The following FRMD5 variants were observed in gnomAD, a reference collection of about 807,000 sequenced individuals.
FRMD5 encodes the protein FERM domain-containing protein 5.
In FRMD5, 20 loss-of-function variants were observed where a neutral mutation model predicts 69.0. The observed-to-expected ratio is 0.29, with a 90% confidence interval of 0.20 to 0.42. The LOEUF (loss-of-function observed/expected upper bound fraction) is 0.42, where lower values mean the gene tolerates loss of function less well. Ranked by LOEUF, FRMD5 falls within the 10% of genes least tolerant of loss-of-function variation. FRMD5 has a pLI of 1.00. For missense variants in FRMD5, 595 were observed against 708.6 expected (o/e 0.84, Z 1.82); for synonymous variants, 271 against 260.1 (o/e 1.04, Z -0.40).
intron 1 of FRMD5, among the ~76,000 whole-genome samples, chr15:44,139,727 C>CAAAAAAAAAAAAAAAAAAAAAAAA (rs71111842): frequency 1.4e-5 from 1 of 72,026 alleles, no homozygotes; most frequent in Non-Finnish European, 2.4e-5. Context: ...CCAGTCTCTA[C>CAAAAAAAAAAAAAAAAAAAAAAAA]AAAAAAAAAA....
Position 44,195,161 on chromosome 15 carries a change from C to T in FRMD5, c.-107G>A. 2.4e-6 allele frequency: 2 copies of T among 827,206 alleles called. No homozygotes were observed. The highest frequency in any genetic ancestry group is 3.7e-4 in the Middle Eastern group (1 of 2,736). The allele number at this position is 827,206 out of a possible 1,614,324, so 51.2% of individuals were successfully genotyped here. A position where few individuals can be genotyped will look rare whatever the true frequency, so the allele number is the denominator to read the frequency against. ...CGACCCCAGGCACCTGCACCATCAC[C>T]CCGGCCCCGTCGCTGCCGTTGCCTC... On this transcript the variant is annotated 5_prime_UTR_variant, in exon 1 of 14. Coordinates refer to ENST00000417257, the MANE Select transcript of FRMD5 (RefSeq NM_032892.5).
At chr15:43,925,426 C>T (rs1247833396) in intron 1 of FRMD5, among the ~76,000 whole-genome samples, 1 of 152,146 alleles carries the variant, frequency 6.6e-6, no homozygotes, top group Non-Finnish European at 1.5e-5. Flanking sequence ...TTAGGGTATC[C>T]TGCAAATCCT....
intron 1 of FRMD5, among the ~76,000 whole-genome samples, chr15:44,054,127 TATG>T (rs1339876796): frequency 1.3e-5 from 2 of 152,244 alleles, no homozygotes; most frequent in Non-Finnish European, 1.5e-5. Flanking sequence ...GTAATGTATA[TATG>T]ATCACTTATG....
chr15:43,885,718 T>C lies in FRMD5; in HGVS notation c.922A>G (p.Ser308Gly). Residue 308 changes from serine to glycine, a missense_variant, in exon 11 of 14, where the codon AGC (serine) becomes GGC (glycine). By Grantham distance (56) the Ser-to-Gly change is moderately conservative. Transcript: ENST00000417257. ...CGGCTCCCTTTAAAGAATAAATTGC[T>C]GCTGGACACTGTGCGGACTTGGCTT... Reference protein sequence around the residue: ...KSSQVRTVSSSNLFFKGSRFR... With the variant: ...KSSQVRTVSSGNLFFKGSRFR... 1 of 1,614,214 alleles carries C rather than the reference T, an allele frequency of 6.2e-7. No homozygotes were observed. The highest frequency in any genetic ancestry group is 2.2e-5 in the East Asian group (1 of 44,892).
At chr15:44,165,138 G>A (rs1044607697) in intron 1 of FRMD5, among the ~76,000 whole-genome samples, 10 of 152,196 alleles carry the variant, frequency 6.6e-5, no homozygotes, top group Admixed American at 6.5e-5. Flanking sequence ...ACCAAAGTCG[G>A]CCAGGAGCGG....
In FRMD5 at chr15:43,873,619, C is replaced by CAA. The variant is rs1393767843; in HGVS notation, c.*264_*265dup. The CAA allele has an allele frequency of 6.8e-7, 1 of 1,462,134 alleles. No homozygotes were observed. Among genetic ancestry groups the CAA allele is most frequent in the East Asian group, 2.7e-5 (1 of 36,910 alleles). The allele number at this position is 1,462,134 out of a possible 1,614,324, so 90.6% of individuals were successfully genotyped here. On this transcript the variant is annotated 3_prime_UTR_variant, in exon 14 of 14. Coordinates refer to ENST00000417257, the MANE Select transcript of FRMD5 (RefSeq NM_032892.5). Reference sequence around the variant, plus strand: ...AAATTCAAAACCAAAAATTATCCTGCAAATTGGAAAGATGAGAAACAGAGT... The same window carrying CAA: ...AAATTCAAAACCAAAAATTATCCTGCAAAAATTGGAAAGATGAGAAACAGAGT...
intron 1 of FRMD5, among the ~76,000 whole-genome samples, chr15:43,982,329 GGT>G (rs2090560905): frequency 6.6e-6 from 1 of 152,206 alleles, no homozygotes; most frequent in Non-Finnish European, 1.5e-5. Context: ...TTACTAGCAA[GGT>G]GCTTCTTGAC....
intron 1 of FRMD5, among the ~76,000 whole-genome samples, chr15:44,045,099 T>C (rs1304977660): frequency 1.8e-4 from 27 of 152,190 alleles, no homozygotes; most frequent in Non-Finnish European, 5.9e-5. Context: ...TTCATTTCAT[T>C]TAGAACTAAT....
intron 1 of FRMD5, among the ~76,000 whole-genome samples, chr15:44,054,981 AATAGCTTGAACCCAGGAT>A (rs902489653): frequency 6.6e-6 from 1 of 151,746 alleles, no homozygotes; most frequent in Non-Finnish European, 1.5e-5. Flanking sequence ...GAGGCAGGAG[AATAGCTTGAACCCAGGAT>A]ATGGAGGTTG....
intron 1 of FRMD5, among the ~76,000 whole-genome samples, chr15:44,054,746 A>G (rs1488041156): frequency 6.6e-6 from 1 of 152,264 alleles, no homozygotes; most frequent in East Asian, 1.9e-4. Flanking sequence ...CAGAATCACA[A>G]GGATGAAAGG....
chr15:43,902,145 G>A, intron 7 of FRMD5, 30 bp downstream of exon 7: 2 of 1,536,194 alleles, frequency 1.3e-6, no homozygotes, highest in Non-Finnish European at 1.8e-6. Flanking sequence ...AGGAGGAAAG[G>A]TCATGCAGTC....
chr15:44,103,567 G>A (rs2076671727), intron 1 of FRMD5, among the ~76,000 whole-genome samples: 1 of 152,166 alleles, frequency 6.6e-6, no homozygotes, highest in African/African-American at 2.4e-5. Context: ...TATTTAAAGT[G>A]TATAATTCAG....
intron 1 of FRMD5, among the ~76,000 whole-genome samples, chr15:44,170,449 G>T (rs2077781685): frequency 6.6e-6 from 1 of 150,654 alleles, no homozygotes; most frequent in African/African-American, 2.4e-5. Flanking sequence ...CTTGAACCCA[G>T]GAGGCGGAGG....
Position 44,097,548 on chromosome 15 carries a change from C to G in FRMD5, c.102+97405G>C, listed in dbSNP as rs188591583. Among the ~76,000 whole-genome samples, 4 of 152,338 alleles carry G rather than the reference C, an allele frequency of 2.6e-5. No homozygotes were observed. The South Asian group carries it at 8.3e-4, about 32-fold the overall frequency. On this transcript the variant is annotated intron_variant, in intron 1 of 13. Coordinates refer to ENST00000417257, the MANE Select transcript of FRMD5 (RefSeq NM_032892.5). ...GACTATAGGGAAGCTCTGAAGAAAGCAGTGTACCTCGGGGAGGGCTCTGCC... is the reference window on the plus strand; with the variant it reads ...GACTATAGGGAAGCTCTGAAGAAAGGAGTGTACCTCGGGGAGGGCTCTGCC...
At chr15:43,986,381 GCTAA>G (rs1424438614) in intron 1 of FRMD5, among the ~76,000 whole-genome samples, 2 of 152,192 alleles carry the variant, frequency 1.3e-5, no homozygotes, top group Admixed American at 6.5e-5. Flanking sequence ...AGAAGAAATA[GCTAA>G]CTGTGAGATT....
chr15:44,087,886 A>C (rs528394553), intron 1 of FRMD5, among the ~76,000 whole-genome samples: 20 of 152,190 alleles, frequency 1.3e-4, no homozygotes, highest in South Asian at 1.0e-3. Context: ...ATAAAATCAA[A>C]ATTGAAAGCC....
chr15:44,066,272 T>C (rs1030385535), intron 1 of FRMD5, among the ~76,000 whole-genome samples: 1 of 152,212 alleles, frequency 6.6e-6, no homozygotes, highest in African/African-American at 2.4e-5. Flanking sequence ...TAGCTCTGGG[T>C]GGCTGCTGGA....
intron 1 of FRMD5, among the ~76,000 whole-genome samples, chr15:44,123,285 C>T (rs921183311): frequency 1.3e-5 from 2 of 151,264 alleles, no homozygotes; most frequent in Admixed American, 6.6e-5. Flanking sequence ...GCACAGGTTG[C>T]GGTGAGCTGA....
chr15:44,110,219 T>C (rs1305992682), intron 1 of FRMD5, among the ~76,000 whole-genome samples: 2 of 152,206 alleles, frequency 1.3e-5, no homozygotes, highest in Admixed American at 6.5e-5. Context: ...GGTCTTGCTA[T>C]GTTGCCCAGG....
Sources: gnomAD v4.1 joint callset for allele counts (sites outside exome capture counted in the v4.1 genomes callset) on GRCh38, gnomAD v4.1.1 for gene constraint, MANE v1.5 for transcripts, NCBI Gene and HGNC (gene_info 2026-07-23, HGNC 2026-07-21) for gene names.